The following ADGRA3 variants were observed in gnomAD, a reference collection of about 807,000 sequenced individuals.
The protein encoded by ADGRA3 is G-protein coupled receptor 125.
ADGRA3 carries 56 observed loss-of-function variants against 119.8 expected under a neutral mutation model. That is an observed-to-expected ratio of 0.47 (90% confidence interval 0.38 to 0.58). The LOEUF is 0.58. Ranked by LOEUF, ADGRA3 falls within the 20% of genes least tolerant of loss-of-function variation. ADGRA3 has a pLI of 0.00. For synonymous variants in ADGRA3, 607 were observed against 623.8 expected (o/e 0.97, Z 0.40); for missense variants, 1,516 against 1,649.0 (o/e 0.92, Z 1.40).
intron 1 of ADGRA3, among the ~76,000 whole-genome samples, chr4:22,495,694 G>T (rs1014417321): frequency 6.6e-6 from 1 of 151,594 alleles, no homozygotes; most frequent in Non-Finnish European, 1.5e-5. Flanking sequence ...GGATGACGAG[G>T]TCAGGAGATC....
intron 14 of ADGRA3, among the ~76,000 whole-genome samples, chr4:22,412,765 A>G (rs186728042): frequency 6.6e-6 from 1 of 152,304 alleles, no homozygotes; most frequent in East Asian, 1.9e-4. Flanking sequence ...AATAGAGTCT[A>G]ACAATTACGA....
intron 16 of ADGRA3, chr4:22,393,949 AC>A (rs1714243769): frequency 6.6e-6 from 1 of 152,154 alleles, no homozygotes; most frequent in Non-Finnish European, 1.5e-5. Context: ...CATGACCTAT[AC>A]ATGAAGCAAC....
chr4:22,493,053 T>C (rs1718687395), intron 1 of ADGRA3, among the ~76,000 whole-genome samples: 3 of 152,060 alleles, frequency 2.0e-5, no homozygotes, highest in Non-Finnish European at 4.4e-5. Context: ...CAACCTCCAA[T>C]CCCTGTGATC....
In ADGRA3 at chr4:22,480,059, G is replaced by A. The variant is rs149199029; in HGVS notation, c.258-6216C>T. 9.2e-3 allele frequency among the ~76,000 whole-genome samples: 1,400 copies of A among 152,206 alleles called. 40 individuals carry two copies. The highest frequency in any genetic ancestry group is 0.052 in the East Asian group (269 of 5,166). On this transcript the variant is annotated intron_variant, in intron 1 of 18. Coordinates refer to ENST00000334304, the MANE Select transcript of ADGRA3 (RefSeq NM_145290.4). ...TACCTACTGTAGATGACGGGTTGAT[G>A]GGTGCAGCAAACCACCATGGCACAT...
At chr4:22,508,963 C>T (rs1719339445) in intron 1 of ADGRA3, among the ~76,000 whole-genome samples, 1 of 152,158 alleles carries the variant, frequency 6.6e-6, no homozygotes, top group Non-Finnish European at 1.5e-5. Context: ...GTCCCACCTG[C>T]GCCCCACTGC....
chr4:22,444,255 A>T (rs141374148), intron 6 of ADGRA3, among the ~76,000 whole-genome samples: 2 of 152,262 alleles, frequency 1.3e-5, no homozygotes, highest in African/African-American at 4.8e-5. Flanking sequence ...AGAATTAACT[A>T]TAAGATACAG....
intron 10 of ADGRA3, among the ~76,000 whole-genome samples, chr4:22,425,362 G>A (rs1306496029): frequency 1.3e-5 from 2 of 151,972 alleles, no homozygotes; most frequent in South Asian, 2.1e-4. Flanking sequence ...CGCTCACTTC[G>A]TAACTTACAG....
At chr4:22,471,249 G>T (rs952744624) in intron 2 of ADGRA3, among the ~76,000 whole-genome samples, 2 of 152,048 alleles carry the variant, frequency 1.3e-5, no homozygotes, top group Non-Finnish European at 2.9e-5. Context: ...CTTATAAGGG[G>T]GAGCTAAATG....
At chr4:22,497,232 A>G (rs986330818) in intron 1 of ADGRA3, among the ~76,000 whole-genome samples, 5 of 152,206 alleles carry the variant, frequency 3.3e-5, no homozygotes, top group Non-Finnish European at 7.3e-5. Flanking sequence ...TGCAGGCAAG[A>G]AAAATAACAC....
intron 10 of ADGRA3, among the ~76,000 whole-genome samples, chr4:22,430,893 T>C (rs112112772): frequency 0.015 from 2,242 of 152,254 alleles, 48 homozygotes; most frequent in African/African-American, 0.051. Flanking sequence ...GTATCCCAGC[T>C]GCTCCAGCCA....
chr4:22,414,542 T>C (rs1430840680), intron 12 of ADGRA3: 7 of 675,630 alleles, frequency 1.0e-5, no homozygotes, highest in South Asian at 3.2e-5. Context: ...GAAGAATTTA[T>C]TGTACAATCT....
intron 1 of ADGRA3, among the ~76,000 whole-genome samples, chr4:22,480,951 G>A (rs1718241509): frequency 1.3e-5 from 2 of 152,134 alleles, no homozygotes; most frequent in African/African-American, 2.4e-5. Flanking sequence ...CAAGGAGGAG[G>A]ATCGCTTGAG....
intron 5 of ADGRA3, among the ~76,000 whole-genome samples, chr4:22,445,524 C>G (rs962666980): frequency 6.6e-6 from 1 of 152,168 alleles, no homozygotes. Flanking sequence ...AAGCCATCCC[C>G]AATTTTCCAC....
chr4:22,484,126 C>T (rs1052770253), intron 1 of ADGRA3, among the ~76,000 whole-genome samples: 7 of 152,036 alleles, frequency 4.6e-5, no homozygotes, highest in African/African-American at 7.2e-5. Flanking sequence ...AATTACAATG[C>T]ACGCAATATA....
chr4:22,473,649 T>C (rs1026634066), intron 2 of ADGRA3, 123 bp downstream of exon 2: 5 of 565,968 alleles, frequency 8.8e-6, no homozygotes, highest in East Asian at 3.2e-5. Context: ...CATTAAAAAA[T>C]GTTAGAAAAA....
intron 3 of ADGRA3, 104 bp from the exon 4 acceptor site, chr4:22,455,041 T>A: frequency 9.3e-6 from 7 of 753,942 alleles, no homozygotes; most frequent in Non-Finnish European, 1.4e-5. Context: ...CACAAGACCT[T>A]TATTCTAGCA....
chr4:22,451,263 T>C (rs907645624), intron 4 of ADGRA3, among the ~76,000 whole-genome samples: 2 of 152,116 alleles, frequency 1.3e-5, no homozygotes, highest in African/African-American at 4.8e-5. Context: ...AGGTATTAGA[T>C]TGATCATAAA....
In ADGRA3 at chr4:22,445,004, G is replaced by A. The variant is rs768053819; in HGVS notation, c.675C>T (p.Val225=). 4 of 1,613,526 alleles carry A rather than the reference G, an allele frequency of 2.5e-6. No homozygotes were observed. Among genetic ancestry groups the A allele is most frequent in the Non-Finnish European group, 2.5e-6 (3 of 1,179,890 alleles). ...TCAACAGCTCCTGCTTCACGCCTGTGACTGGTTGGGCCTGCAGTGACTTAG... is the reference window on the plus strand; with the variant it reads ...TCAACAGCTCCTGCTTCACGCCTGTAACTGGTTGGGCCTGCAGTGACTTAG... ...VYPKSLQAQP[V]TGVKQELLTC... The change falls in exon 6 of 19, where the codon GTC becomes GTT. Residue 225 remains valine, a synonymous_variant. Coordinates refer to ENST00000334304, the MANE Select transcript of ADGRA3 (RefSeq NM_145290.4).
chr4:22,498,630 G>C (rs976494872), intron 1 of ADGRA3, among the ~76,000 whole-genome samples: 1 of 149,046 alleles, frequency 6.7e-6, no homozygotes, highest in Non-Finnish European at 1.5e-5. Flanking sequence ...AAAGAAAAAA[G>C]GAGGGCCAGG....
Sources: allele counts gnomAD v4.1 joint callset (sites outside exome capture counted in the v4.1 genomes callset), GRCh38; gene constraint gnomAD v4.1.1; transcripts MANE v1.5; gene names NCBI Gene and HGNC (gene_info 2026-07-23, HGNC 2026-07-21).